Variants in SLC44A1 observed in about 807,000 individuals in gnomAD.
SLC44A1 encodes the protein solute carrier family 44 member 1.
A neutral mutation model predicts 79.3 loss-of-function variants in SLC44A1; 26 were observed. The observed-to-expected ratio is 0.33, with a 90% CI of 0.24 to 0.46. SLC44A1 has a LOEUF of 0.46. Ranked by LOEUF, SLC44A1 falls within the 20% of genes least tolerant of loss-of-function variation. SLC44A1 has a pLI of 1.00. For synonymous variants in SLC44A1, 263 were observed against 286.2 expected (o/e 0.92, Z 0.82); for missense variants, 688 against 798.1 (o/e 0.86, Z 1.66).
At chr9:105,333,585 G>A (rs1279701658) in intron 3 of SLC44A1, among the ~76,000 whole-genome samples, 1 of 152,170 alleles carries the variant, frequency 6.6e-6, no homozygotes, top group African/African-American at 2.4e-5. Context: ...CAAGGCGGGT[G>A]GATCACCTGA....
chr9:105,279,278 C>G (rs1200635571), intron 1 of SLC44A1, among the ~76,000 whole-genome samples: 2 of 147,198 alleles, frequency 1.4e-5, no homozygotes, highest in African/African-American at 5.0e-5. Flanking sequence ...AGCTCAACAT[C>G]TATTTTTTTT....
chr9:105,363,552 C>T (rs1362679929), intron 9 of SLC44A1, among the ~76,000 whole-genome samples: 3 of 151,596 alleles, frequency 2.0e-5, no homozygotes, highest in Non-Finnish European at 2.9e-5. Context: ...GCAACCTCAG[C>T]CTCCCAGGTT....
chr9:105,388,357 G>T (rs1828683024), intron 15 of SLC44A1, among the ~76,000 whole-genome samples: 1 of 152,132 alleles, frequency 6.6e-6, no homozygotes, highest in Non-Finnish European at 1.5e-5. Context: ...ATTTGTATTT[G>T]CTTGATATAA....
intron 2 of SLC44A1, among the ~76,000 whole-genome samples, chr9:105,309,077 T>A (rs1385056526): frequency 2.0e-5 from 3 of 152,216 alleles, no homozygotes; most frequent in Non-Finnish European, 4.4e-5. Context: ...ATTAAGAGCA[T>A]GGCAGTGCTT....
chr9:105,284,313 C>T (rs1830426682), intron 1 of SLC44A1, among the ~76,000 whole-genome samples: 1 of 150,920 alleles, frequency 6.6e-6, no homozygotes, highest in Non-Finnish European at 1.5e-5. Flanking sequence ...AATCCTCCCA[C>T]ATCAGCCTCC....
At chr9:105,403,632 A>G (rs724069) in intron 15 of SLC44A1, among the ~76,000 whole-genome samples, 114,173 of 145,684 alleles carry the variant, frequency 0.78, 46,202 homozygotes, top group East Asian at 1. Context: ...GAGTAAGCAG[A>G]TGATTGTAAT....
rs187528079 is a variant in SLC44A1 at position 105,373,638 on chromosome 9, A to G, written c.1495-960A>G. ...GCTTCTATAACTGAAAAGTTCAGAA[A>G]TCTGGCAAGTTCCCAATGTCCCAAC... On this transcript the variant is annotated intron_variant, in intron 12 of 15. Transcript: ENST00000374720. Among the ~76,000 whole-genome samples, 18 of 152,310 alleles carry G rather than the reference A, an allele frequency of 1.2e-4. No homozygotes were observed. In the East Asian group the frequency reaches 2.5e-3, roughly 21 times the overall value.
At chr9:105,259,983 G>T (rs561525718) in intron 1 of SLC44A1, among the ~76,000 whole-genome samples, 28 of 152,308 alleles carry the variant, frequency 1.8e-4, no homozygotes, top group Non-Finnish European at 3.2e-4. Flanking sequence ...GGGTGAGGAA[G>T]GATCTGCTAC....
chr9:105,351,673 A>AGAAAGAAAGAAC lies in SLC44A1; in HGVS notation c.500+3225_500+3226insAGAAAGAACGAA, dbSNP rs890106944. 7.2e-4 allele frequency among the ~76,000 whole-genome samples: 106 copies of AGAAAGAAAGAAC among 146,652 alleles called. 2 individuals carry two copies. The highest frequency in any genetic ancestry group is 1.3e-3 in the South Asian group (6 of 4,658). ...AAGAAAGAAAGAAAGAAAGAAAGAAAGAACCAAGAAAAAAATGTTATCTGT... is the reference window on the plus strand; with the variant it reads ...AAGAAAGAAAGAAAGAAAGAAAGAAAGAAAGAAAGAACGAACCAAGAAAAAAATGTTATCTGT... On this transcript the variant is annotated intron_variant, in intron 5 of 15. Transcript: ENST00000374720.
intron 1 of SLC44A1, among the ~76,000 whole-genome samples, chr9:105,283,729 G>A (rs1297233391): frequency 3.3e-5 from 5 of 152,176 alleles, no homozygotes; most frequent in African/African-American, 9.7e-5. Context: ...CAATATGTGC[G>A]AGTCCTTTCT....
intron 15 of SLC44A1, among the ~76,000 whole-genome samples, chr9:105,387,564 C>T (rs1828665168): frequency 1.3e-5 from 2 of 152,094 alleles, no homozygotes; most frequent in Admixed American, 6.5e-5. Flanking sequence ...CCTAATTGTT[C>T]AGCAAATCGA....
intron 7 of SLC44A1, among the ~76,000 whole-genome samples, chr9:105,360,985 A>G (rs1236664971): frequency 1.3e-5 from 2 of 152,194 alleles, no homozygotes; most frequent in Non-Finnish European, 2.9e-5. Context: ...AGGATTTATA[A>G]ATGCTTAATG....
chr9:105,401,921 C>G (rs1828963604), downstream of SLC44A1, among the ~76,000 whole-genome samples: 1 of 152,174 alleles, frequency 6.6e-6, no homozygotes, highest in Non-Finnish European at 1.5e-5. Flanking sequence ...TTGGAGCACA[C>G]AGGAAGGTGT....
At chr9:105,330,624 C>T (rs934682488) in intron 3 of SLC44A1, among the ~76,000 whole-genome samples, 5 of 152,202 alleles carry the variant, frequency 3.3e-5, no homozygotes, top group Non-Finnish European at 7.3e-5. Flanking sequence ...CCACCTTTGT[C>T]TCGTTTCCCT....
intron 14 of SLC44A1, among the ~76,000 whole-genome samples, 169 bp downstream of exon 14, chr9:105,383,528 C>T (rs551161159): frequency 3.3e-5 from 5 of 152,276 alleles, no homozygotes; most frequent in Admixed American, 1.3e-4. Flanking sequence ...TCAGGGAGGA[C>T]GGCTTCTTGG....
chr9:105,382,810 C>T (rs879270380), intron 13 of SLC44A1, among the ~76,000 whole-genome samples: 5 of 152,012 alleles, frequency 3.3e-5, no homozygotes, highest in Non-Finnish European at 7.4e-5. Flanking sequence ...CTAAAATATG[C>T]ATACATTTAT....
intron 15 of SLC44A1, among the ~76,000 whole-genome samples, chr9:105,412,507 A>G (rs1829110176): frequency 6.6e-6 from 1 of 152,218 alleles, no homozygotes; most frequent in South Asian, 2.1e-4. Context: ...GGAAACTGGT[A>G]TTTGGAAACC....
chr9:105,428,817 A>G (rs1266507117), intron 15 of SLC44A1, among the ~76,000 whole-genome samples: 1 of 151,928 alleles, frequency 6.6e-6, no homozygotes, highest in African/African-American at 2.4e-5. Flanking sequence ...CTCCTGCCTC[A>G]CCCTCTGGAG....
At position 105,383,268 on chromosome 9, in the gene SLC44A1, T is replaced by C. The variant is rs1051612538; in HGVS notation, c.1778T>C (p.Val593Ala). The part of the protein sequence containing the change: ...AHCFLSIYEM[V>A]VDVLFLCFAI... ...TGCTTCCTGTCTATTTATGAAATGGTAGTGGATGTATTATTCTTGTGTTTT... is the reference window on the plus strand; with the variant it reads ...TGCTTCCTGTCTATTTATGAAATGGCAGTGGATGTATTATTCTTGTGTTTT... Residue 593 changes from valine (V) to alanine (A), a missense_variant, in exon 14 of 16, where the codon GTA (valine) becomes GCA (alanine). Transcript: ENST00000374720. The C allele has an allele frequency of 1.9e-6, 3 of 1,613,724 alleles. No homozygotes were observed. Among genetic ancestry groups the C allele is most frequent in the African/African-American group, 1.3e-5 (1 of 74,926 alleles).
Sources: allele counts gnomAD v4.1 joint callset (sites outside exome capture counted in the v4.1 genomes callset), GRCh38; gene constraint gnomAD v4.1.1; transcripts MANE v1.5; gene names NCBI Gene and HGNC (gene_info 2026-07-23, HGNC 2026-07-21).